ADM5: variants seen among roughly 807,000 people sequenced by gnomAD.
ADM5 encodes putative adrenomedullin-5-like protein.
A neutral mutation model predicts 2.9 loss-of-function variants in ADM5; 1 was observed. The observed-to-expected ratio is 0.35, with a 90% CI of 0.12 to 1.65. The LOEUF is 1.65. ADM5 is among the 40% of genes most tolerant of loss of function. ADM5 has a pLI of 0.36. For missense variants in ADM5, 192 were observed against 205.2 expected, an observed-to-expected ratio of 0.94 and a Z score of 0.39; for synonymous variants, 90 against 91.1, an observed-to-expected ratio of 0.99 and a Z score of 0.07.
intron 1 of ADM5, 57 bp downstream of exon 1, chr19:49,689,968 CG>C: frequency 6.2e-7 from 1 of 1,611,858 alleles, no homozygotes; most frequent in Non-Finnish European, 8.5e-7. Flanking sequence ...AAAGGGCGAG[CG>C]CCCTCTCCCG....
In ADM5 at chr19:49,690,467, C is replaced by T. The variant is rs1409939708; in HGVS notation, c.436C>T (p.Pro146Ser). ...AACTCCAGCCCCTGAAACCGTCTTC[C>T]CCAGTCCCTCCCCGGGCTGCGACTA... The part of the protein sequence containing the change: ...PLTPAPETVF[P>S]SPSPGCD Residue 146 changes from proline (P) to serine (S), a missense_variant, in exon 2 of 2, where the codon CCC becomes TCC. By Grantham distance (74) the Pro-to-Ser change is moderately conservative. Transcript: ENST00000420022. This position sits in a 1 kb window ranked among gnomAD's most constrained non-coding sequence, Gnocchi z 4.4. The T allele has an allele frequency of 6.6e-7, 1 of 1,524,036 alleles. No individual in the cohort carries two copies. The highest frequency in any genetic ancestry group is 2.0e-5 in the Admixed American group (1 of 49,212). 94.4% of individuals were successfully genotyped at this position (1,524,036 alleles called of 1,614,324 possible).
In ADM5 at chr19:49,690,363, C is replaced by A; in HGVS notation, c.332C>A (p.Ser111Ter). The change falls in exon 2 of 2, where the codon TCG becomes TAG. Residue 111 changes from serine to a stop codon, truncating the protein, a stop_gained. Coordinates refer to ENST00000420022, the MANE Select transcript of ADM5 (RefSeq NM_001101340.2). LOFTEE classifies it low-confidence loss of function (END_TRUNC). The surrounding 1 kb of genome is among the most constrained non-coding windows in gnomAD (Gnocchi z 4.4). ...CAGTGCCCAGCTCGCTGGGTGACCTCGGGCACGGCTCGTCCCCTCCTCGGC... is the reference window on the plus strand; with the variant it reads ...CAGTGCCCAGCTCGCTGGGTGACCTAGGGCACGGCTCGTCCCCTCCTCGGC... The part of the protein sequence containing the change: ...LAQCPARWVT[S>*]GTARPLLGFS... The A allele has an allele frequency of 6.4e-7, 1 of 1,551,578 alleles. No individual in the cohort carries two copies. Among genetic ancestry groups the A allele is most frequent in the East Asian group, 2.4e-5 (1 of 40,904 alleles).
intron 1 of ADM5, 27 bp downstream of exon 1, chr19:49,689,938 CAG>C: frequency 6.2e-7 from 1 of 1,613,852 alleles, no homozygotes; most frequent in Non-Finnish European, 8.5e-7. Context: ...GCAGCAGGGA[CAG>C]GGCGGGAGGG....
Position 49,690,435 on chromosome 19 carries a change from C to T in ADM5, c.404C>T (p.Ser135Phe), listed in dbSNP as rs1040359993. Residue 135 changes from serine (S) to phenylalanine (F), a missense_variant, in exon 2 of 2, where the codon TCT (serine) becomes TTT (phenylalanine). Coordinates refer to ENST00000420022, the MANE Select transcript of ADM5 (RefSeq NM_001101340.2). This position sits in a 1 kb window ranked among gnomAD's most constrained non-coding sequence, Gnocchi z 4.4. The stretch of plus-strand genomic sequence containing the variant: ...TTGGAGCTTCTACTCCACATTTCTT[C>T]TCCCCTAACTCCAGCCCCTGAAACC... ...CMLELLLHISSPLTPAPETVF... is the reference protein window; with the variant it reads ...CMLELLLHISFPLTPAPETVF... 4 of 1,545,588 alleles carry T rather than the reference C, an allele frequency of 2.6e-6. No individual in the cohort carries two copies. In the East Asian group the frequency reaches 7.4e-5, roughly 28 times the overall value.
rs1555771719 is a variant in ADM5, at chr19:49,689,789, C to T, written c.-49C>T. On this transcript the variant is annotated 5_prime_UTR_variant, in exon 1 of 2. Transcript: ENST00000420022. ...CGATCAGCCCGGTGCGGGAACGGGG[C>T]GGGGTGGCCGCAACTACGGGCCACG... is the stretch of plus-strand genomic sequence containing the variant. 6.2e-7 allele frequency: 1 copy of T among 1,608,226 alleles called. No individual in the cohort carries two copies. Among genetic ancestry groups the T allele is most frequent in the Non-Finnish European group, 8.5e-7 (1 of 1,175,400 alleles).
Position 49,689,610 on chromosome 19 carries a change from C to G in ADM5, c.-228C>G, listed in dbSNP as rs2082282170. Reference sequence around the variant, plus strand: ...TGTGACCCCACACACCCAGTGAGGTCTCTGGAGCCGCGGTGCGGGAAGCGG... The same window carrying G: ...TGTGACCCCACACACCCAGTGAGGTGTCTGGAGCCGCGGTGCGGGAAGCGG... On this transcript the variant is annotated 5_prime_UTR_variant, in exon 1 of 2. Transcript: ENST00000420022. 1 of 605,850 alleles carries G rather than the reference C, an allele frequency of 1.7e-6. No homozygotes were observed. The highest frequency in any genetic ancestry group is 1.9e-5 in the South Asian group (1 of 52,072). The allele number at this position is 605,850 out of a possible 1,614,324, so 37.5% of individuals were successfully genotyped here. A position where few individuals can be genotyped will look rare whatever the true frequency, so the allele number is the denominator to read the frequency against.
At position 49,689,629 on chromosome 19, in the gene ADM5, G is replaced by A; in HGVS notation, c.-209G>A. ...TGAGGTCTCTGGAGCCGCGGTGCGGGAAGCGGGGACCCGGGTTTGAATCCT... is the reference window on the plus strand; with the variant it reads ...TGAGGTCTCTGGAGCCGCGGTGCGGAAAGCGGGGACCCGGGTTTGAATCCT... On this transcript the variant is annotated 5_prime_UTR_variant, in exon 1 of 2. Transcript: ENST00000420022. The A allele has an allele frequency of 1.6e-6, 1 of 632,116 alleles. No individual in the cohort carries two copies. 39.2% of individuals were successfully genotyped at this position (632,116 alleles called of 1,614,324 possible).
rs1409505002 is a variant in ADM5 at position 49,690,081 on chromosome 19, G to A, written c.75-25G>A. On this transcript the variant is annotated intron_variant, in intron 1 of 1. Coordinates refer to ENST00000420022, the MANE Select transcript of ADM5 (RefSeq NM_001101340.2). This position sits in a 1 kb window ranked among gnomAD's most constrained non-coding sequence, Gnocchi z 4.4. ...CATCTCTCAATTCGGTTTGAACCCG[G>A]TTTTCTCCCACGCTCCCTCTCCAGG... The A allele has an allele frequency of 6.5e-6, 10 of 1,546,624 alleles. No homozygotes were observed. The highest frequency in any genetic ancestry group is 8.7e-6 in the Non-Finnish European group (10 of 1,143,738).
Position 49,689,600 on chromosome 19 carries a change from C to G in ADM5, c.-238C>G. The G allele has an allele frequency of 1.7e-6, 1 of 592,658 alleles. No individual in the cohort carries two copies. The highest frequency in any genetic ancestry group is 3.0e-6 in the Non-Finnish European group (1 of 331,778). The allele number at this position is 592,658 out of a possible 1,614,324, so 36.7% of individuals were successfully genotyped here. A position where few individuals can be genotyped will look rare whatever the true frequency, so the allele number is the denominator to read the frequency against. Reference sequence around the variant, plus strand: ...CAGCAGCTGGTGTGACCCCACACACCCAGTGAGGTCTCTGGAGCCGCGGTG... The same window carrying G: ...CAGCAGCTGGTGTGACCCCACACACGCAGTGAGGTCTCTGGAGCCGCGGTG... On this transcript the variant is annotated 5_prime_UTR_variant, in exon 1 of 2. Coordinates refer to ENST00000420022, the MANE Select transcript of ADM5 (RefSeq NM_001101340.2).
chr19:49,689,661 C>T lies in ADM5; in HGVS notation c.-177C>T. On this transcript the variant is annotated 5_prime_UTR_variant, in exon 1 of 2. Transcript: ENST00000420022. Reference sequence around the variant, plus strand: ...GGACCCGGGTTTGAATCCTGCCCCTCTGGTGTGGTGCGGCCTCTTCCCACA... The same window carrying T: ...GGACCCGGGTTTGAATCCTGCCCCTTTGGTGTGGTGCGGCCTCTTCCCACA... 1 of 745,870 alleles carries T rather than the reference C, an allele frequency of 1.3e-6. No homozygotes were observed. The allele number at this position is 745,870 out of a possible 1,614,324, so 46.2% of individuals were successfully genotyped here.
rs2082307114 is a variant in ADM5 at position 49,690,389 on chromosome 19, T to C, written c.358T>C (p.Phe120Leu). Residue 120 changes from phenylalanine to leucine, a missense_variant, in exon 2 of 2, where the codon TTC (phenylalanine) becomes CTC (leucine). Physicochemically the swap from Phe to Leu is conservative, Grantham distance 22. Transcript: ENST00000420022. The surrounding 1 kb of genome is among the most constrained non-coding windows in gnomAD (Gnocchi z 4.4). ...GGGCACGGCTCGTCCCCTCCTCGGC[T>C]TCAGTTTGCCTATCTGTATGTTGGA... Reference protein sequence around the residue: ...TSGTARPLLGFSLPICMLELL... With the variant: ...TSGTARPLLGLSLPICMLELL... The C allele has an allele frequency of 1.9e-6, 3 of 1,551,432 alleles. No homozygotes were observed. The highest frequency in any genetic ancestry group is 1.4e-5 in the African/African-American group (1 of 73,052).
At position 49,689,857 on chromosome 19, in the gene ADM5, TC is replaced by T. The variant is rs2082289464; in HGVS notation, c.22del (p.Leu8CysfsTer94). On this transcript the variant is annotated frameshift_variant, in exon 1 of 2. Transcript: ENST00000420022. LOFTEE classifies it high-confidence loss of function. MTIHIL[I>X]LLLLLAFSAQ... Reference sequence around the variant, plus strand: ...CCCACGATGACTATCCACATCCTCATCCTGCTGTTGCTCCTCGCCTTCTCCG... The same window carrying T: ...CCCACGATGACTATCCACATCCTCATCTGCTGTTGCTCCTCGCCTTCTCCG... 5.0e-6 allele frequency: 8 copies of T among 1,613,924 alleles called. No individual in the cohort carries two copies. The African/African-American group carries it at 5.3e-5, about 11-fold the overall frequency.
At position 49,689,917 on chromosome 19, in the gene ADM5, A is replaced by C; in HGVS notation, c.74+6A>C. On this transcript the variant is annotated splice_donor_region_variant and intron_variant, in intron 1 of 1. Transcript: ENST00000420022. ...GACCTGGACACTGCAGCCAGGTGAGAAACCCGGGTGGCAGCAGGGACAGGG... is the reference window on the plus strand; with the variant it reads ...GACCTGGACACTGCAGCCAGGTGAGCAACCCGGGTGGCAGCAGGGACAGGG... 1.2e-6 allele frequency: 2 copies of C among 1,613,958 alleles called. No individual in the cohort carries two copies. The highest frequency in any genetic ancestry group is 1.7e-6 in the Non-Finnish European group (2 of 1,179,870).
Position 49,690,282 on chromosome 19 carries a change from G to C in ADM5, c.251G>C (p.Arg84Pro). The C allele has an allele frequency of 6.4e-7, 1 of 1,551,516 alleles. No homozygotes were observed. Among genetic ancestry groups the C allele is most frequent in the Non-Finnish European group, 8.7e-7 (1 of 1,146,882 alleles). ...CAGCTATGGGCGCCGCCGGTGGCGC[G>C]AGGCGGAAGCCCGGCTCGGTTCCCA... is the stretch of plus-strand genomic sequence containing the variant. ...PLQLWAPPVA[R>P]GGSPARFPGF... Residue 84 changes from arginine (R) to proline (P), a missense_variant, in exon 2 of 2, where the codon CGA becomes CCA. By Grantham distance (103) the Arg-to-Pro change is moderately radical. Coordinates refer to ENST00000420022, the MANE Select transcript of ADM5 (RefSeq NM_001101340.2). This position sits in a 1 kb window ranked among gnomAD's most constrained non-coding sequence, Gnocchi z 4.4.
rs2082283483 is a variant in ADM5, at chr19:49,689,669, G to A, written c.-169G>A. ...GTTTGAATCCTGCCCCTCTGGTGTG[G>A]TGCGGCCTCTTCCCACAGACTTTTG... is the stretch of plus-strand genomic sequence containing the variant. On this transcript the variant is annotated 5_prime_UTR_variant, in exon 1 of 2. In the 5' UTR this introduces an upstream ATG that the reference lacks. Transcript: ENST00000420022. 1 of 797,524 alleles carries A rather than the reference G, an allele frequency of 1.3e-6. No individual in the cohort carries two copies. The highest frequency in any genetic ancestry group is 2.6e-5 in the East Asian group (1 of 37,736). The allele number at this position is 797,524 out of a possible 1,614,324, so 49.4% of individuals were successfully genotyped here.
In ADM5 at chr19:49,690,290, A is replaced by G; in HGVS notation, c.259A>G (p.Ser87Gly). The G allele has an allele frequency of 1.3e-6, 2 of 1,551,428 alleles. No homozygotes were observed. The highest frequency in any genetic ancestry group is 1.7e-6 in the Non-Finnish European group (2 of 1,146,836). Reference protein sequence around the residue: ...LWAPPVARGGSPARFPGFRPA... With the variant: ...LWAPPVARGGGPARFPGFRPA... ...GGCGCCGCCGGTGGCGCGAGGCGGA[A>G]GCCCGGCTCGGTTCCCAGGATTCCG... The change falls in exon 2 of 2, where the codon AGC (serine) becomes GGC (glycine). Residue 87 changes from serine (S) to glycine (G), a missense_variant. By Grantham distance (56) the Ser-to-Gly change is moderately conservative (BLOSUM62 0). Coordinates refer to ENST00000420022, the MANE Select transcript of ADM5 (RefSeq NM_001101340.2). The surrounding 1 kb of genome is among the most constrained non-coding windows in gnomAD (Gnocchi z 4.4).
intron 1 of ADM5, 81 bp downstream of exon 1, chr19:49,689,992 G>A: frequency 6.2e-7 from 1 of 1,609,516 alleles, no homozygotes; most frequent in Non-Finnish European, 8.5e-7. Context: ...CGCGGAACGG[G>A]CAGGTGATCT....
chr19:49,690,078 C>G lies in ADM5; in HGVS notation c.75-28C>G. On this transcript the variant is annotated intron_variant, in intron 1 of 1. Transcript: ENST00000420022. The surrounding 1 kb of genome is among the most constrained non-coding windows in gnomAD (Gnocchi z 4.4). The stretch of plus-strand genomic sequence containing the variant: ...CTCCATCTCTCAATTCGGTTTGAAC[C>G]CGGTTTTCTCCCACGCTCCCTCTCC... 2 of 1,545,426 alleles carry G rather than the reference C, an allele frequency of 1.3e-6. No homozygotes were observed. Among genetic ancestry groups the G allele is most frequent in the Non-Finnish European group, 1.7e-6 (2 of 1,142,986 alleles).
At position 49,690,223 on chromosome 19, in the gene ADM5, C is replaced by G. The variant is rs765608405; in HGVS notation, c.192C>G (p.Leu64=). ...YWIRCLHQGA[L]GEGQPRAPGP... is the part of the protein sequence containing the mutation. Reference sequence around the variant, plus strand: ...TTCGCTGTCTCCACCAAGGAGCCCTCGGGGAAGGCCAGCCACGAGCCCCAG... The same window carrying G: ...TTCGCTGTCTCCACCAAGGAGCCCTGGGGGAAGGCCAGCCACGAGCCCCAG... Residue 64 remains leucine, a synonymous_variant, in exon 2 of 2, where the codon CTC becomes CTG. Coordinates refer to ENST00000420022, the MANE Select transcript of ADM5 (RefSeq NM_001101340.2). This position sits in a 1 kb window ranked among gnomAD's most constrained non-coding sequence, Gnocchi z 4.4. The G allele has an allele frequency of 1.4e-5, 21 of 1,554,680 alleles. No individual in the cohort carries two copies. The South Asian group carries it at 1.5e-4, about 11-fold the overall frequency.
Sources: allele counts gnomAD v4.1 joint callset, GRCh38; gene constraint gnomAD v4.1.1; non-coding constraint Gnocchi (gnomAD v3.1); transcripts MANE v1.5; gene names NCBI Gene and HGNC (gene_info 2026-07-23, HGNC 2026-07-21).